The following BLK variants were observed in gnomAD, a reference collection of about 807,000 sequenced individuals.
BLK encodes the protein BLK proto-oncogene, Src family tyrosine kinase.
A neutral mutation model predicts 61.8 loss-of-function variants in BLK; 64 were observed. The observed-to-expected ratio is 1.03, with a 90% CI of 0.85 to 1.27. BLK has a LOEUF of 1.27. Ranked by LOEUF, BLK falls within the 50% of genes most tolerant of loss-of-function variation. The probability of loss-of-function intolerance (pLI) is 0.00; values close to 1 mark genes in which losing one functional copy is unlikely to be tolerated. For synonymous variants in BLK, 351 were observed against 272.0 expected, an observed-to-expected ratio of 1.29 and a Z score of -2.86; for missense variants, 853 against 660.5, an observed-to-expected ratio of 1.29 and a Z score of -3.19.
At chr8:11,516,350 A>G (rs570501912) in intron 1 of BLK, among the ~76,000 whole-genome samples, 1 of 152,046 alleles carries the variant, frequency 6.6e-6, no homozygotes, top group African/African-American at 2.4e-5. Flanking sequence ...GAGACTTCAC[A>G]GACCCCGAGT....
intron 1 of BLK, among the ~76,000 whole-genome samples, chr8:11,519,824 G>C (rs1285279138): frequency 6.6e-6 from 1 of 152,198 alleles, no homozygotes; most frequent in Non-Finnish European, 1.5e-5. Flanking sequence ...ACTGTATGCT[G>C]ATTTGAGTTT....
intron 4 of BLK, among the ~76,000 whole-genome samples, chr8:11,548,602 C>G (rs756578050): frequency 6.6e-6 from 1 of 152,220 alleles, no homozygotes; most frequent in Non-Finnish European, 1.5e-5. Context: ...CAGGCTTGTC[C>G]TGTGGAGCTC....
chr8:11,522,867 T>C (rs965371708), intron 1 of BLK, among the ~76,000 whole-genome samples: 12 of 152,204 alleles, frequency 7.9e-5, no homozygotes, highest in African/African-American at 2.9e-4. Flanking sequence ...TCCAAAATCA[T>C]ACATGGTTAA....
At chr8:11,535,486 T>C (rs1171126854) in intron 1 of BLK, among the ~76,000 whole-genome samples, 7 of 152,250 alleles carry the variant, frequency 4.6e-5, no homozygotes, top group African/African-American at 1.7e-4. Context: ...AACACCTATT[T>C]CTGAAATACT....
chr8:11,495,772 A>G (rs1328282252), intron 1 of BLK, among the ~76,000 whole-genome samples: 15 of 152,204 alleles, frequency 9.9e-5, no homozygotes, highest in Admixed American at 9.8e-4. Context: ...GTGGAAAAAT[A>G]GGTGAAATTT....
intron 1 of BLK, among the ~76,000 whole-genome samples, chr8:11,527,393 C>T (rs1799700339): frequency 6.6e-6 from 1 of 152,146 alleles, no homozygotes; most frequent in African/African-American, 2.4e-5. Flanking sequence ...TTAGCCCTTT[C>T]TGTTCATACC....
intron 3 of BLK, 78 bp downstream of exon 3, chr8:11,546,181 T>C: frequency 6.5e-7 from 1 of 1,542,920 alleles, no homozygotes; most frequent in South Asian, 1.1e-5. Flanking sequence ...TGGAAAAAGG[T>C]TGAGTCAGGA....
rs139210041 is a variant in BLK at position 11,563,006 on chromosome 8, C to A, written c.1208C>A (p.Ala403Asp). ...EGAKFPIKWT[A>D]PEAIHFGVFT... ...GCCAAGTTCCCCATCAAGTGGACAG[C>A]CCCGGAAGCCATCCACTTCGGGGTC... The change falls in exon 12 of 13, where the codon GCC becomes GAC. Residue 403 changes from alanine (A) to aspartate (D), a missense_variant. By Grantham distance (126) the Ala-to-Asp change is moderately radical (BLOSUM62 -2). Transcript: ENST00000259089. The A allele has an allele frequency of 1.2e-6, 2 of 1,614,016 alleles. No individual in the cohort carries two copies. Among genetic ancestry groups the A allele is most frequent in the Non-Finnish European group, 1.7e-6 (2 of 1,180,028 alleles).
chr8:11,504,332 A>G (rs1286068437), intron 1 of BLK, among the ~76,000 whole-genome samples: 1 of 137,928 alleles, frequency 7.3e-6, no homozygotes, highest in Non-Finnish European at 1.6e-5. Context: ...CAAAATAAAG[A>G]AAGGAAGGGA....
At chr8:11,538,093 C>T (rs1800212318) in intron 1 of BLK, among the ~76,000 whole-genome samples, 1 of 152,150 alleles carries the variant, frequency 6.6e-6, no homozygotes, top group Non-Finnish European at 1.5e-5. Flanking sequence ...CACATATATA[C>T]ACACACATAT....
intron 1 of BLK, among the ~76,000 whole-genome samples, chr8:11,496,016 T>C (rs2117222625): frequency 6.6e-6 from 1 of 152,302 alleles, no homozygotes; most frequent in East Asian, 1.9e-4. Flanking sequence ...TCCTGAGCAT[T>C]CTTGGGAAAA....
intron 11 of BLK, among the ~76,000 whole-genome samples, chr8:11,561,895 T>C (rs1005018757): frequency 6.6e-6 from 1 of 151,932 alleles, no homozygotes; most frequent in Non-Finnish European, 1.5e-5. Flanking sequence ...CTTGGCTCAC[T>C]GCAACCTCCG....
intron 1 of BLK, among the ~76,000 whole-genome samples, chr8:11,533,195 A>G (rs566360406): frequency 7.9e-5 from 12 of 152,324 alleles, no homozygotes; most frequent in South Asian, 4.1e-4. Context: ...AGATCCACTC[A>G]GTAATTACAA....
At chr8:11,547,140 C>T (rs892703973) in intron 3 of BLK, among the ~76,000 whole-genome samples, 2 of 152,242 alleles carry the variant, frequency 1.3e-5, no homozygotes, top group African/African-American at 4.8e-5. Context: ...CCAGGAATGG[C>T]GAAGGGGTGA....
chr8:11,535,575 A>T (rs1325022523), intron 1 of BLK, among the ~76,000 whole-genome samples: 1 of 152,226 alleles, frequency 6.6e-6, no homozygotes, highest in Non-Finnish European at 1.5e-5. Flanking sequence ...TCAACTCCCA[A>T]CTAACAAGTG....
chr8:11,499,662 C>G (rs1444713156), intron 1 of BLK, among the ~76,000 whole-genome samples: 1 of 152,238 alleles, frequency 6.6e-6, no homozygotes, highest in Non-Finnish European at 1.5e-5. Flanking sequence ...GAGGATGACT[C>G]TCAGACTCCA....
intron 2 of BLK, among the ~76,000 whole-genome samples, chr8:11,544,619 A>AT (rs1800539371): frequency 2.0e-5 from 3 of 152,150 alleles, no homozygotes; most frequent in Admixed American, 2.0e-4. Context: ...AGCACCTGGA[A>AT]TTTTTTTCAC....
chr8:11,523,201 C>T (rs1481411841), intron 1 of BLK, among the ~76,000 whole-genome samples: 1 of 152,120 alleles, frequency 6.6e-6, no homozygotes, highest in African/African-American at 2.4e-5. Context: ...AATAAATTGA[C>T]TAGGTAGAAA....
intron 1 of BLK, among the ~76,000 whole-genome samples, chr8:11,497,741 A>C (rs1798410038): frequency 6.6e-6 from 1 of 152,218 alleles, no homozygotes; most frequent in Admixed American, 6.5e-5. Flanking sequence ...ATCGTGGTGC[A>C]CCCCAGTGCC....
Sources: gnomAD v4.1 joint callset for allele counts (sites outside exome capture counted in the v4.1 genomes callset) on GRCh38, gnomAD v4.1.1 for gene constraint, MANE v1.5 for transcripts, NCBI Gene and HGNC (gene_info 2026-07-23, HGNC 2026-07-21) for gene names.